ITPR1: variants seen among roughly 807,000 people sequenced by gnomAD.
ITPR1 encodes the protein inositol 1,4,5-trisphosphate-gated calcium channel ITPR1.
A neutral mutation model predicts 318.4 loss-of-function variants in ITPR1; 96 were observed. The ratio of observed to expected loss-of-function variants is 0.30; its 90% CI spans 0.26 to 0.36. The LOEUF is 0.36. Ranked by LOEUF, ITPR1 falls within the 10% of genes least tolerant of loss-of-function variation. The pLI, the probability that ITPR1 is intolerant of heterozygous loss-of-function variation, is 1.00. For missense variants in ITPR1, 2,440 were observed against 3,460.2 expected, an observed-to-expected ratio of 0.71 and a Z score of 7.40; for synonymous variants, 1,312 against 1,289.9, an observed-to-expected ratio of 1.02 and a Z score of -0.37.
At chr3:4,732,478 TA>T (rs2042993099) in intron 42 of ITPR1, among the ~76,000 whole-genome samples, 1 of 31,368 alleles carries the variant, frequency 3.2e-5, no homozygotes, top group African/African-American at 4.3e-5. Flanking sequence ...CCATTTTACC[TA>T]TGTTGGGTTT....
Position 4,589,166 on chromosome 3 carries a change from CA to C in ITPR1, c.164-38589del, listed in dbSNP as rs532329127. Among the ~76,000 whole-genome samples, 826 of 151,570 alleles carry C rather than the reference CA, an allele frequency of 5.4e-3. 3 individuals are homozygous for C. Among genetic ancestry groups the C allele is most frequent in the Non-Finnish European group, 9.9e-3 (669 of 67,884 alleles). ...AGTGAAATGCTGTCTCATTGTGTCTCAAAAAAAATACACACATATATGTGTA... is the reference window on the plus strand; with the variant it reads ...AGTGAAATGCTGTCTCATTGTGTCTCAAAAAAATACACACATATATGTGTA... On this transcript the variant is annotated intron_variant, in intron 4 of 61. Coordinates refer to ENST00000649015, the MANE Select transcript of ITPR1 (RefSeq NM_001378452.1).
chr3:4,690,922 C>A (rs2094470320), intron 31 of ITPR1, among the ~76,000 whole-genome samples: 1 of 152,046 alleles, frequency 6.6e-6, no homozygotes, highest in Non-Finnish European at 1.5e-5. Context: ...CAGCTGAATG[C>A]TAATGAGTTG....
chr3:4,701,475 G>A lies in ITPR1; in HGVS notation c.4537-1355G>A, dbSNP rs568017385. On this transcript the variant is annotated intron_variant, in intron 35 of 61. Coordinates refer to ENST00000649015, the MANE Select transcript of ITPR1 (RefSeq NM_001378452.1). The stretch of plus-strand genomic sequence containing the variant: ...CCTAGGTTTCCCCTGCCAGTTTCCC[G>A]GGCTGCCTCTGCTCCTGTCCTCTAT... 1.3e-3 allele frequency among the ~76,000 whole-genome samples: 195 copies of A among 152,226 alleles called. 1 individual carries two copies. The highest frequency in any genetic ancestry group is 4.4e-3 in the African/African-American group (181 of 41,538).
rs977720830 is a variant in ITPR1 at position 4,754,049 on chromosome 3, G to T, written c.5545-12481G>T. 4.3e-5 allele frequency among the ~76,000 whole-genome samples: 3 copies of T among 70,080 alleles called. 1 individual carries two copies. The highest frequency in any genetic ancestry group is 8.9e-5 in the Non-Finnish European group (3 of 33,770). 46.0% of individuals were successfully genotyped at this position (70,080 alleles called of 152,430 possible). A position where few individuals can be genotyped will look rare whatever the true frequency, so the allele number is the denominator to read the frequency against. On this transcript the variant is annotated intron_variant, in intron 44 of 61. Coordinates refer to ENST00000649015, the MANE Select transcript of ITPR1 (RefSeq NM_001378452.1). Reference sequence around the variant, plus strand: ...GTGTGACTGCACAAACACAGAAAATGGGGGGGGGGTGGCAAGGATTATTCT... The same window carrying T: ...GTGTGACTGCACAAACACAGAAAATTGGGGGGGGGTGGCAAGGATTATTCT...
intron 44 of ITPR1, among the ~76,000 whole-genome samples, chr3:4,736,665 T>G (rs1367754435): frequency 2.0e-5 from 3 of 152,198 alleles, no homozygotes; most frequent in Non-Finnish European, 4.4e-5. Context: ...ACGTTGGGAT[T>G]GCTTTTTATT....
rs56096727 is a variant in ITPR1 at position 4,840,029 on chromosome 3, C to CTTTTTTTTTTTTTTT, written c.8190+3109_8190+3123dup. ...TTACAGGAAAAATTCAGCATAGCTG[C>CTTTTTTTTTTTTTTT]TTTTTTTTTTTTTTTTTTTTTTTTT... On this transcript the variant is annotated intron_variant, in intron 61 of 61. Coordinates refer to ENST00000649015, the MANE Select transcript of ITPR1 (RefSeq NM_001378452.1). Among the ~76,000 whole-genome samples the CTTTTTTTTTTTTTTT allele has an allele frequency of 2.9e-5, 3 of 104,910 alleles. 1 individual carries two copies. Among genetic ancestry groups the CTTTTTTTTTTTTTTT allele is most frequent in the African/African-American group, 8.0e-5 (2 of 24,922 alleles). 68.8% of individuals were successfully genotyped at this position (104,910 alleles called of 152,430 possible). A position where few individuals can be genotyped will look rare whatever the true frequency, so the allele number is the denominator to read the frequency against.
intron 56 of ITPR1, 75 bp from the exon 57 acceptor site, chr3:4,813,067 G>C: frequency 9.8e-7 from 1 of 1,025,194 alleles, no homozygotes; most frequent in Non-Finnish European, 1.6e-6. Flanking sequence ...TTAATCAGCC[G>C]TGAATTGGGG....
chr3:4,559,818 G>C (rs1451963705), intron 4 of ITPR1, among the ~76,000 whole-genome samples: 2 of 152,162 alleles, frequency 1.3e-5, no homozygotes, highest in African/African-American at 4.8e-5. Flanking sequence ...GGGTCACTCA[G>C]CTAGTAAATG....
At chr3:4,780,686 G>C (rs2046770907) in intron 49 of ITPR1, among the ~76,000 whole-genome samples, 2 of 152,188 alleles carry the variant, frequency 1.3e-5, no homozygotes, top group Admixed American at 6.5e-5. Context: ...CCAGTTCTTT[G>C]ATCTCTGAGG....
intron 5 of ITPR1, among the ~76,000 whole-genome samples, chr3:4,629,466 T>C (rs2092945833): frequency 6.6e-6 from 1 of 152,182 alleles, no homozygotes; most frequent in Non-Finnish European, 1.5e-5. Context: ...TGCAATTATA[T>C]TTAGTAGCTT....
chr3:4,775,183 TAAC>T lies in ITPR1; in HGVS notation c.5980-58_5980-56del. On this transcript the variant is annotated intron_variant, in intron 46 of 61. Transcript: ENST00000649015. ...GAGGCTATCAGAATGGCAGGATGAA[TAAC>T]GTTTCCCTCTTCCCTCTGCCTTTGC... The T allele has an allele frequency of 2.5e-6, 3 of 1,215,854 alleles. No individual in the cohort carries two copies. The East Asian group carries it at 7.0e-5, about 28-fold the overall frequency. 75.3% of individuals were successfully genotyped at this position (1,215,854 alleles called of 1,614,324 possible). A position where few individuals can be genotyped will look rare whatever the true frequency, so the allele number is the denominator to read the frequency against.
chr3:4,843,747 C>T (rs1210315074), intron 61 of ITPR1, among the ~76,000 whole-genome samples: 2 of 151,990 alleles, frequency 1.3e-5, no homozygotes, highest in Non-Finnish European at 2.9e-5. Flanking sequence ...GGAGGGTGGG[C>T]GATGGGATCA....
chr3:4,735,575 T>C, intron 44 of ITPR1: 2 of 543,450 alleles, frequency 3.7e-6, no homozygotes, highest in Non-Finnish European at 6.5e-6. Flanking sequence ...ATTTGAAAAC[T>C]GATAAAACAC....
chr3:4,524,288 A>T (rs1206502084), intron 4 of ITPR1, among the ~76,000 whole-genome samples: 1 of 142,304 alleles, frequency 7.0e-6, no homozygotes, highest in Admixed American at 7.2e-5. Flanking sequence ...ACTGCGGTGC[A>T]GCATACTTTG....
intron 42 of ITPR1, 119 bp from the exon 43 acceptor site, chr3:4,732,969 T>C (rs1239818118): frequency 5.2e-6 from 5 of 968,218 alleles, no homozygotes; most frequent in Non-Finnish European, 3.2e-6. Context: ...GAATAATTTA[T>C]TCTTTCGCCA....
At chr3:4,512,014 G>T (rs1302813370) in intron 2 of ITPR1, among the ~76,000 whole-genome samples, 2 of 152,274 alleles carry the variant, frequency 1.3e-5, no homozygotes, top group East Asian at 1.9e-4. Flanking sequence ...CACAGGCAGG[G>T]TCTTGCTCTG....
Position 4,683,479 on chromosome 3 carries a change from G to A in ITPR1, c.3255G>A (p.Leu1085=), listed in dbSNP as rs1296601394. 6.2e-7 allele frequency: 1 copy of A among 1,614,048 alleles called. No individual in the cohort carries two copies. Among genetic ancestry groups the A allele is most frequent in the Admixed American group, 1.7e-5 (1 of 60,034 alleles). The change falls in exon 27 of 62, where the codon CTG becomes CTA. Residue 1085 remains leucine (L), a synonymous_variant. Transcript: ENST00000649015. ...LHLTMHDYPP[L]VSGALQLLFR... Reference sequence around the variant, plus strand: ...TGACGATGCATGACTACCCACCCCTGGTGTCAGGGGCCCTGCAGCTCCTCT... The same window carrying A: ...TGACGATGCATGACTACCCACCCCTAGTGTCAGGGGCCCTGCAGCTCCTCT...
rs1435690462 is a variant in ITPR1 at position 4,733,795 on chromosome 3, T to C, written c.5353+575T>C. Among the ~76,000 whole-genome samples, 4 of 150,662 alleles carry C rather than the reference T, an allele frequency of 2.7e-5. No individual in the cohort carries two copies. In the Admixed American group the frequency reaches 2.7e-4, roughly 10 times the overall value. On this transcript the variant is annotated intron_variant, in intron 43 of 61. Coordinates refer to ENST00000649015, the MANE Select transcript of ITPR1 (RefSeq NM_001378452.1). Reference sequence around the variant, plus strand: ...GCCCATGCTGTGTACATCCACAAACTCCTATGGGAGTTTACAAAAAAACAT... The same window carrying C: ...GCCCATGCTGTGTACATCCACAAACCCCTATGGGAGTTTACAAAAAAACAT...
intron 10 of ITPR1, among the ~76,000 whole-genome samples, chr3:4,650,605 TAG>T (rs1491127835): frequency 0.082 from 10,908 of 133,140 alleles, 1,143 homozygotes; most frequent in African/African-American, 0.24. Flanking sequence ...TGATATGCCT[TAG>T]TGTGTGTGTG....
Sources: allele counts gnomAD v4.1 joint callset (sites outside exome capture counted in the v4.1 genomes callset), GRCh38; gene constraint gnomAD v4.1.1; transcripts MANE v1.5; gene names NCBI Gene and HGNC (gene_info 2026-07-23, HGNC 2026-07-21).